Variants in PLD5 observed in about 807,000 individuals in gnomAD.
PLD5 encodes the protein inactive phospholipase D5.
Under a neutral mutation model 61.1 loss-of-function variants are expected in PLD5, and 36 were observed. That is an observed-to-expected ratio of 0.59 (90% confidence interval 0.45 to 0.78). PLD5 has a LOEUF of 0.78. Among genes scored for constraint, PLD5 ranks in the 30% least tolerant of loss-of-function variants. PLD5 has a pLI of 0.00. For missense variants in PLD5, 515 were observed against 644.4 expected (o/e 0.80, Z 2.17); for synonymous variants, 243 against 242.8 (o/e 1.00, Z -0.01).
At chr1:242,177,902 C>G (rs1217042199) in intron 5 of PLD5, 2 of 152,192 alleles carry the variant, frequency 1.3e-5, no homozygotes, top group African/African-American at 4.8e-5. Context: ...GGGACCAACA[C>G]GGTGAGTCCG....
intron 5 of PLD5, among the ~76,000 whole-genome samples, chr1:242,190,306 C>T (rs569237867): frequency 8.6e-5 from 13 of 151,746 alleles, no homozygotes; most frequent in Admixed American, 1.3e-4. Flanking sequence ...CCACCACGCC[C>T]GGCTAATTTT....
chr1:242,330,008 C>T (rs939414032), intron 2 of PLD5, among the ~76,000 whole-genome samples: 4 of 152,142 alleles, frequency 2.6e-5, no homozygotes, highest in African/African-American at 9.7e-5. Context: ...GTTTAAACTG[C>T]ATAAGTTGTA....
At chr1:242,484,850 G>A (rs1158071540) in intron 1 of PLD5, among the ~76,000 whole-genome samples, 1 of 152,132 alleles carries the variant, frequency 6.6e-6, no homozygotes, top group Non-Finnish European at 1.5e-5. Context: ...ACACCAAAAA[G>A]CTTATCCACC....
At chr1:242,333,070 T>C (rs1156267536) in intron 2 of PLD5, among the ~76,000 whole-genome samples, 1 of 152,088 alleles carries the variant, frequency 6.6e-6, no homozygotes, top group African/African-American at 2.4e-5. Context: ...CTGGGAGAGC[T>C]TGGTGCTTTT....
chr1:242,501,776 A>G (rs1668561250), intron 1 of PLD5, among the ~76,000 whole-genome samples: 1 of 117,634 alleles, frequency 8.5e-6, no homozygotes, highest in African/African-American at 3.3e-5. Context: ...AAATTAAGAT[A>G]TATTAATATT....
chr1:242,119,065 T>A (rs868627599), intron 6 of PLD5, among the ~76,000 whole-genome samples: 1 of 152,320 alleles, frequency 6.6e-6, no homozygotes, highest in Middle Eastern at 3.4e-3. Context: ...ACAGATCCTC[T>A]TCAATATTCC....
chr1:242,243,294 A>T (rs1672172324), intron 4 of PLD5, among the ~76,000 whole-genome samples: 1 of 152,238 alleles, frequency 6.6e-6, no homozygotes, highest in South Asian at 2.1e-4. Flanking sequence ...AGAGATCTAG[A>T]GTGTGTACAA....
At chr1:242,438,729 T>C (rs149062220) in intron 1 of PLD5, among the ~76,000 whole-genome samples, 45 of 152,208 alleles carry the variant, frequency 3.0e-4, no homozygotes, top group African/African-American at 1.0e-3. Flanking sequence ...CACCCGGCCT[T>C]TTGGAATTTT....
intron 1 of PLD5, among the ~76,000 whole-genome samples, chr1:242,467,799 C>T (rs750893370): frequency 6.6e-6 from 1 of 152,136 alleles, no homozygotes; most frequent in African/African-American, 2.4e-5. Flanking sequence ...CTGAGAAGCA[C>T]CATCCCAAAA....
At chr1:242,157,663 G>T (rs1160140976) in intron 5 of PLD5, among the ~76,000 whole-genome samples, 1 of 152,176 alleles carries the variant, frequency 6.6e-6, no homozygotes, top group Non-Finnish European at 1.5e-5. Flanking sequence ...CACCAGCAGA[G>T]GCTGCAGAAC....
chr1:242,243,600 T>C (rs560278904), intron 4 of PLD5, among the ~76,000 whole-genome samples: 1 of 152,280 alleles, frequency 6.6e-6, no homozygotes, highest in African/African-American at 2.4e-5. Flanking sequence ...TTCAATTCAG[T>C]CAACACAGTG....
Position 242,480,865 on chromosome 1 carries a change from A to T in PLD5, c.189+43223T>A, listed in dbSNP as rs141642627. On this transcript the variant is annotated intron_variant, in intron 1 of 9. Coordinates refer to ENST00000536534, the MANE Select transcript of PLD5 (RefSeq NM_001372062.1). ...CTCTACATAGCATGTGTTGGCGAGG[A>T]TGTGCAGAAAATAGAACTCTTCTCC... Among the ~76,000 whole-genome samples, 66 of 152,308 alleles carry T rather than the reference A, an allele frequency of 4.3e-4. 2 individuals are homozygous for T. In the East Asian group the frequency reaches 0.012, roughly 28 times the overall value.
chr1:242,362,811 C>T (rs1439196849), intron 1 of PLD5, among the ~76,000 whole-genome samples: 10 of 151,724 alleles, frequency 6.6e-5, no homozygotes, highest in African/African-American at 2.2e-4. Flanking sequence ...CACTCTGTAC[C>T]CCTTTCCTGA....
intron 1 of PLD5, among the ~76,000 whole-genome samples, chr1:242,512,469 A>T (rs953235506): frequency 6.6e-6 from 1 of 151,992 alleles, no homozygotes; most frequent in African/African-American, 2.4e-5. Flanking sequence ...TCCCTGCTGC[A>T]GAGTGTCTTA....
intron 5 of PLD5, among the ~76,000 whole-genome samples, chr1:242,162,620 G>A (rs530180391): frequency 2.0e-5 from 3 of 152,172 alleles, no homozygotes; most frequent in South Asian, 2.1e-4. Flanking sequence ...GATTGTCTAC[G>A]CAGAATGTTA....
chr1:242,316,647 T>C (rs1340712774), intron 2 of PLD5, among the ~76,000 whole-genome samples: 1 of 152,218 alleles, frequency 6.6e-6, no homozygotes, highest in African/African-American at 2.4e-5. Flanking sequence ...AGGTTACAAG[T>C]GCAGGTTTGC....
At chr1:242,203,042 A>G (rs903492586) in intron 5 of PLD5, among the ~76,000 whole-genome samples, 3 of 152,146 alleles carry the variant, frequency 2.0e-5, no homozygotes, top group African/African-American at 4.8e-5. Context: ...CCAACCAACT[A>G]TCTGCAGCAA....
chr1:242,314,303 C>T (rs1676879269), intron 2 of PLD5, among the ~76,000 whole-genome samples: 1 of 152,208 alleles, frequency 6.6e-6, no homozygotes, highest in Non-Finnish European at 1.5e-5. Flanking sequence ...TAATCTACCA[C>T]AGCCAAGAAT....
At chr1:242,106,780 G>A (rs759423099) in intron 8 of PLD5, among the ~76,000 whole-genome samples, 1 of 152,174 alleles carries the variant, frequency 6.6e-6, no homozygotes, top group Non-Finnish European at 1.5e-5. Flanking sequence ...AAGAGAGCCT[G>A]CCACAGGCCA....
Sources: allele counts gnomAD v4.1 joint callset (sites outside exome capture counted in the v4.1 genomes callset), GRCh38; gene constraint gnomAD v4.1.1; transcripts MANE v1.5; gene names NCBI Gene and HGNC (gene_info 2026-07-23, HGNC 2026-07-21).